Variants in ADGRL3 observed in about 807,000 individuals in gnomAD.
ADGRL3 encodes adhesion G protein-coupled receptor L3, also known as calcium-independent alpha-latrotoxin receptor 3.
A neutral mutation model predicts 153.5 loss-of-function variants in ADGRL3; 62 were observed. The ratio of observed to expected loss-of-function variants is 0.40; its 90% CI spans 0.33 to 0.50. The LOEUF (loss-of-function observed/expected upper bound fraction) is 0.50. Ranked by LOEUF, ADGRL3 falls within the 20% of genes least tolerant of loss-of-function variation. ADGRL3 has a pLI of 0.47. For missense variants in ADGRL3, 1,641 were observed against 1,859.4 expected (o/e 0.88, Z 2.16); for synonymous variants, 710 against 672.5 (o/e 1.06, Z -0.86).
chr4:61,724,610 G>T (rs920479557), intron 6 of ADGRL3, among the ~76,000 whole-genome samples: 1 of 152,150 alleles, frequency 6.6e-6, no homozygotes. Context: ...TTTATTCAGT[G>T]ATGCATGGGT....
chr4:62,022,204 C>T (rs1263021854), intron 21 of ADGRL3, among the ~76,000 whole-genome samples: 2 of 152,092 alleles, frequency 1.3e-5, no homozygotes, highest in African/African-American at 2.4e-5. Context: ...AAGATCAAAC[C>T]AATGTCAACA....
intron 5 of ADGRL3, among the ~76,000 whole-genome samples, chr4:61,662,151 G>C (rs1455129655): frequency 6.6e-6 from 1 of 152,196 alleles, no homozygotes; most frequent in Admixed American, 6.5e-5. Context: ...TGAGGAGGCA[G>C]GACAGGAGCC....
At chr4:61,645,815 G>A (rs894994973) in intron 5 of ADGRL3, among the ~76,000 whole-genome samples, 2 of 152,090 alleles carry the variant, frequency 1.3e-5, no homozygotes, top group African/African-American at 4.8e-5. Context: ...TGTATTTCCT[G>A]AGTCTTAATG....
At chr4:61,623,475 C>G (rs1399641035) in intron 5 of ADGRL3, among the ~76,000 whole-genome samples, 4 of 152,116 alleles carry the variant, frequency 2.6e-5, no homozygotes, top group African/African-American at 9.7e-5. Context: ...AGAAAATACT[C>G]TATCACCTTA....
At chr4:61,210,451 G>A (rs1694711145) in intron 1 of ADGRL3, among the ~76,000 whole-genome samples, 1 of 152,010 alleles carries the variant, frequency 6.6e-6, no homozygotes. Flanking sequence ...GTTCTGCTTG[G>A]GTGGGTAACC....
At chr4:61,373,836 A>T (rs2096570603) in intron 1 of ADGRL3, among the ~76,000 whole-genome samples, 1 of 152,214 alleles carries the variant, frequency 6.6e-6, no homozygotes, top group Non-Finnish European at 1.5e-5. Flanking sequence ...CCTTATTTGA[A>T]AGGATGATAT....
intron 1 of ADGRL3, among the ~76,000 whole-genome samples, chr4:61,228,516 T>G (rs1157496264): frequency 2.6e-5 from 4 of 152,108 alleles, no homozygotes; most frequent in African/African-American, 4.8e-5. Context: ...ATTTATATAG[T>G]AGAGAGTAGG....
intron 5 of ADGRL3, among the ~76,000 whole-genome samples, chr4:61,599,362 C>CA (rs1371718856): frequency 1.3e-5 from 2 of 152,104 alleles, no homozygotes; most frequent in African/African-American, 4.8e-5. Flanking sequence ...TTCTTGGAGA[C>CA]AAAATCTCAT....
chr4:61,289,518 C>G (rs1227046388), intron 1 of ADGRL3, among the ~76,000 whole-genome samples: 1 of 151,858 alleles, frequency 6.6e-6, no homozygotes, highest in Non-Finnish European at 1.5e-5. Flanking sequence ...ATAATGTATG[C>G]CTTTATGGCA....
chr4:61,434,711 G>C (rs1023843999), intron 2 of ADGRL3, among the ~76,000 whole-genome samples: 1 of 151,906 alleles, frequency 6.6e-6, no homozygotes, highest in Non-Finnish European at 1.5e-5. Flanking sequence ...TGAAATTTTA[G>C]CTTTTGATTC....
At position 62,076,383 on chromosome 4, in the gene ADGRL3, A is replaced by C. The variant is rs557498511; in HGVS notation, c.*5475A>C. ...TTGTGAAAGAACTTTGATTTATGTG[A>C]AGAAATCAAGAAAGACTATACATGA... On this transcript the variant is annotated 3_prime_UTR_variant, in exon 27 of 27. Coordinates refer to ENST00000683033, the MANE Select transcript of ADGRL3 (RefSeq NM_001387552.1). 5 of 152,180 alleles carry C rather than the reference A, an allele frequency of 3.3e-5. No individual in the cohort carries two copies. The highest frequency in any genetic ancestry group is 4.1e-4 in the South Asian group (2 of 4,828). The allele number at this position is 152,180 out of a possible 1,614,324, so 9.4% of individuals were successfully genotyped here.
intron 9 of ADGRL3, among the ~76,000 whole-genome samples, chr4:61,891,124 C>A (rs2098580607): frequency 6.6e-6 from 1 of 152,046 alleles, no homozygotes; most frequent in South Asian, 2.1e-4. Flanking sequence ...ATTGAAATGA[C>A]TATATTGCCA....
intron 1 of ADGRL3, among the ~76,000 whole-genome samples, chr4:61,344,661 A>C (rs2151197021): frequency 6.6e-6 from 1 of 152,278 alleles, no homozygotes; most frequent in South Asian, 2.1e-4. Context: ...CCTGGTCATT[A>C]AGTAATAAAA....
chr4:62,070,109 A>C lies in ADGRL3; in HGVS notation c.3833A>C (p.Lys1278Thr), dbSNP rs771190806. ...CATAGTATCTTGTAATCTTTTTCAGAGGGGCTTCTGAACAATGCCAGGGAT... is the reference window on the plus strand; with the variant it reads ...CATAGTATCTTGTAATCTTTTTCAGCGGGGCTTCTGAACAATGCCAGGGAT... ...SLNREPYRET[K>T]GLLNNARDTS... Residue 1278 changes from lysine to threonine, a missense_variant and splice_region_variant, in exon 27 of 27, where the codon AAG becomes ACG. Physicochemically the swap from Lys to Thr is moderately conservative, Grantham distance 78. This residue lies in a region of ADGRL3 where 517 missense variants were observed against 555.0 expected (regional missense o/e 0.93). Coordinates refer to ENST00000683033, the MANE Select transcript of ADGRL3 (RefSeq NM_001387552.1). The C allele has an allele frequency of 1.2e-5, 19 of 1,608,708 alleles. 1 individual carries two copies. The South Asian group carries it at 2.1e-4, about 18-fold the overall frequency.
chr4:61,701,103 A>C (rs1453612647), intron 6 of ADGRL3, among the ~76,000 whole-genome samples: 1 of 152,170 alleles, frequency 6.6e-6, no homozygotes, highest in African/African-American at 2.4e-5. Flanking sequence ...AAATGTCTAA[A>C]AATGACTAAA....
chr4:61,647,708 G>C (rs1421883735), intron 5 of ADGRL3, among the ~76,000 whole-genome samples: 1 of 152,030 alleles, frequency 6.6e-6, no homozygotes, highest in Non-Finnish European at 1.5e-5. Flanking sequence ...CAATAAGAAT[G>C]CAAAAATTAA....
intron 9 of ADGRL3, among the ~76,000 whole-genome samples, chr4:61,890,343 A>G (rs2098566962): frequency 6.6e-6 from 1 of 152,172 alleles, no homozygotes; most frequent in Non-Finnish European, 1.5e-5. Context: ...CTACTTCCCT[A>G]TCTTAGTTCA....
chr4:62,032,917 C>T (rs1005386699), intron 23 of ADGRL3, among the ~76,000 whole-genome samples: 2 of 151,500 alleles, frequency 1.3e-5, no homozygotes, highest in Admixed American at 6.6e-5. Context: ...GCATTCTAAT[C>T]TAATTCATTA....
At position 62,053,076 on chromosome 4, in the gene ADGRL3, A is replaced by G. The variant is rs187465389; in HGVS notation, c.3814+8527A>G. On this transcript the variant is annotated intron_variant, in intron 25 of 26. Transcript: ENST00000683033. ...TTGTAAACATAAAGGTTGTGATGATATAGATACCATATATAATATTCAAAG... is the reference window on the plus strand; with the variant it reads ...TTGTAAACATAAAGGTTGTGATGATGTAGATACCATATATAATATTCAAAG... Among the ~76,000 whole-genome samples, 250 of 151,638 alleles carry G rather than the reference A, an allele frequency of 1.6e-3. 2 individuals carry two copies. The highest frequency in any genetic ancestry group is 2.0e-3 in the Non-Finnish European group (136 of 67,526).
Sources: gnomAD v4.1 joint callset for allele counts (sites outside exome capture counted in the v4.1 genomes callset) on GRCh38, gnomAD v4.1.1 for gene constraint, gnomAD v4.1.1 regional missense constraint, MANE v1.5 for transcripts, NCBI Gene and HGNC (gene_info 2026-07-23, HGNC 2026-07-21) for gene names.